BLOC1S6: variants seen among roughly 807,000 people sequenced by gnomAD.
BLOC1S6 encodes biogenesis of lysosome-related organelles complex 1 subunit 6.
A neutral mutation model predicts 24.7 loss-of-function variants in BLOC1S6; 24 were observed. That is an observed-to-expected ratio of 0.97 (90% confidence interval 0.70 to 1.37). The LOEUF is 1.37. Among genes scored for constraint, BLOC1S6 ranks in the 40% most tolerant of loss-of-function variants. The pLI, the probability that BLOC1S6 is intolerant of heterozygous loss-of-function variation, is 0.00. For missense variants in BLOC1S6, 175 were observed against 196.2 expected (o/e 0.89, Z 0.64); for synonymous variants, 76 against 72.6 (o/e 1.05, Z -0.23).
intron 2 of BLOC1S6, chr15:45,601,251 G>A (rs1228064066): frequency 1.3e-5 from 2 of 154,340 alleles, no homozygotes; most frequent in South Asian, 2.0e-4. Context: ...GCAGTTGACT[G>A]TACGTGCCTA....
chr15:45,606,273 C>T, intron 4 of BLOC1S6, 122 bp from the exon 5 acceptor site: 1 of 1,373,688 alleles, frequency 7.3e-7, no homozygotes, highest in Non-Finnish European at 1.0e-6. Flanking sequence ...ATTTAAATGT[C>T]CAAGATGAAG....
At position 45,609,352 on chromosome 15, in the gene BLOC1S6, C is replaced by CAAT. The variant is rs1566907276; in HGVS notation, c.*2838_*2839insAAT. On this transcript the variant is annotated 3_prime_UTR_variant, in exon 5 of 5. Coordinates refer to ENST00000220531, the MANE Select transcript of BLOC1S6 (RefSeq NM_012388.4). The stretch of plus-strand genomic sequence containing the variant: ...ACAAAACAAACAAACAAACAAACAA[C>CAAT]GTATCTTACTGACTAAACTGGAATG... 2.0e-5 allele frequency: 3 copies of CAAT among 148,506 alleles called. No individual in the cohort carries two copies. The highest frequency in any genetic ancestry group is 7.9e-5 in the African/African-American group (3 of 37,990). 9.2% of individuals were successfully genotyped at this position (148,506 alleles called of 1,614,324 possible).
intron 4 of BLOC1S6, chr15:45,605,869 C>T (rs770154447): frequency 2.4e-5 from 7 of 285,992 alleles, no homozygotes; most frequent in African/African-American, 8.9e-5. Context: ...AGATTACAGG[C>T]GTGAGCCACT....
rs1219227566 is a variant in BLOC1S6, at chr15:45,608,653, C to T, written c.*2139C>T. 1 of 152,144 alleles carries T rather than the reference C, an allele frequency of 6.6e-6. No individual in the cohort carries two copies. 9.4% of individuals were successfully genotyped at this position (152,144 alleles called of 1,614,324 possible). ...GGGTTTCCCACGCTAGGCTGCATAG[C>T]ATTATAACCTGGGAACGTTAAAAAA... On this transcript the variant is annotated 3_prime_UTR_variant, in exon 5 of 5. Transcript: ENST00000220531.
chr15:45,590,462 T>C (rs1893845605), intron 1 of BLOC1S6, among the ~76,000 whole-genome samples: 1 of 150,522 alleles, frequency 6.6e-6, no homozygotes, highest in Non-Finnish European at 1.5e-5. Flanking sequence ...GGCTGGAGTG[T>C]AGTGGCACAA....
At position 45,587,537 on chromosome 15, in the gene BLOC1S6, C is replaced by G. The variant is rs763484836; in HGVS notation, c.82+12C>G. On this transcript the variant is annotated intron_variant, in intron 1 of 4. Coordinates refer to ENST00000220531, the MANE Select transcript of BLOC1S6 (RefSeq NM_012388.4). ...GGAGCCGACGCCTGGTACGTACTAT[C>G]GGGTGGGAAGCGCGGCCCGGGCTGG... 2.0e-5 allele frequency: 31 copies of G among 1,565,226 alleles called. 1 individual carries two copies. The South Asian group carries it at 3.4e-4, about 17-fold the overall frequency.
Position 45,597,384 on chromosome 15 carries a change from C to T in BLOC1S6, c.224+5108C>T, listed in dbSNP as rs576540405. On this transcript the variant is annotated intron_variant, in intron 2 of 4. Transcript: ENST00000220531. The stretch of plus-strand genomic sequence containing the variant: ...GTCATAGCTACTTGGGAGGCTGAGG[C>T]AGGGGATCCCTTGAACCAGGAGTTC... 3.3e-5 allele frequency among the ~76,000 whole-genome samples: 5 copies of T among 152,088 alleles called. No homozygotes were observed. In the East Asian group the frequency reaches 9.6e-4, roughly 29 times the overall value.
chr15:45,592,079 G>A, intron 1 of BLOC1S6, 56 bp from the exon 2 acceptor site: 1 of 1,589,708 alleles, frequency 6.3e-7, no homozygotes. Flanking sequence ...CAGTTGACCA[G>A]CCTAAAAAAA....
intron 2 of BLOC1S6, among the ~76,000 whole-genome samples, chr15:45,596,619 A>G (rs1894087550): frequency 6.6e-6 from 1 of 151,758 alleles, no homozygotes; most frequent in Non-Finnish European, 1.5e-5. Context: ...TCCATTGATC[A>G]GTATGTCTGT....
intron 4 of BLOC1S6, chr15:45,605,789 C>A: frequency 2.8e-6 from 1 of 362,580 alleles, no homozygotes. Flanking sequence ...AGCGTTCTAC[C>A]ATGTTGGCCA....
chr15:45,602,299 T>A (rs995751358), intron 2 of BLOC1S6: 90 of 635,858 alleles, frequency 1.4e-4, no homozygotes, highest in African/African-American at 2.4e-4. Flanking sequence ...TTTTTTTTTT[T>A]ATCATTATTC....
chr15:45,603,110 G>C lies in BLOC1S6; in HGVS notation c.235G>C (p.Val79Leu). The stretch of plus-strand genomic sequence containing the variant: ...GTGTTTTTGTTTCAGACAGAACCAA[G>C]TTGTATTGTTAGACACACTGGAACA... ...QALQELTQNQ[V>L]VLLDTLEQEI... The change falls in exon 3 of 5, where the codon GTT (valine) becomes CTT (leucine). Residue 79 changes from valine (V) to leucine (L), a missense_variant. Val to Leu is a conservative substitution (Grantham distance 32). Transcript: ENST00000220531. 1 of 1,610,358 alleles carries C rather than the reference G, an allele frequency of 6.2e-7. No homozygotes were observed. Among genetic ancestry groups the C allele is most frequent in the Non-Finnish European group, 8.5e-7 (1 of 1,177,076 alleles).
chr15:45,589,031 C>T (rs1400716335), intron 1 of BLOC1S6, among the ~76,000 whole-genome samples: 1 of 152,162 alleles, frequency 6.6e-6, no homozygotes, highest in Non-Finnish European at 1.5e-5. Flanking sequence ...AGAATTTATC[C>T]TACAGAAAGT....
At chr15:45,597,297 T>C (rs762204265) in intron 2 of BLOC1S6, among the ~76,000 whole-genome samples, 4 of 152,066 alleles carry the variant, frequency 2.6e-5, no homozygotes, top group Non-Finnish European at 5.9e-5. Flanking sequence ...GGTAATGTAA[T>C]GAGACCCTGT....
rs1254574386 is a variant in BLOC1S6 at position 45,607,198 on chromosome 15, T to C, written c.*684T>C. 1 of 152,376 alleles carries C rather than the reference T, an allele frequency of 6.6e-6. No individual in the cohort carries two copies. Among genetic ancestry groups the C allele is most frequent in the African/African-American group, 2.4e-5 (1 of 41,430 alleles). The allele number at this position is 152,376 out of a possible 1,614,324, so 9.4% of individuals were successfully genotyped here. ...AAGAGGTGAGCCTTTGTGAAGAACA[T>C]AATGGAAAAGTGCATGTACGGGAAA... On this transcript the variant is annotated 3_prime_UTR_variant, in exon 5 of 5. Coordinates refer to ENST00000220531, the MANE Select transcript of BLOC1S6 (RefSeq NM_012388.4).
chr15:45,587,848 GAAA>G (rs1893740453), intron 1 of BLOC1S6: 2 of 681,230 alleles, frequency 2.9e-6, no homozygotes. Context: ...GGATTTACCA[GAAA>G]GATGATCAGC....
upstream of BLOC1S6, chr15:45,587,340 G>A (rs1304680672): frequency 8.8e-7 from 1 of 1,133,324 alleles, no homozygotes; most frequent in African/African-American, 1.5e-5. Flanking sequence ...ACTTCCGGGT[G>A]CGACAATCTC....
chr15:45,587,259 C>G, upstream of BLOC1S6: 1 of 650,042 alleles, frequency 1.5e-6, no homozygotes, highest in Non-Finnish European at 2.8e-6. Context: ...AGCGCGGGGT[C>G]CCCACAACGC....
intron 1 of BLOC1S6, 66 bp from the exon 2 acceptor site, chr15:45,592,069 C>A (rs572248453): frequency 6.4e-7 from 1 of 1,562,126 alleles, no homozygotes; most frequent in African/African-American, 1.4e-5. Flanking sequence ...CCCACTGCTT[C>A]AGTTGACCAG....
Sources: gnomAD v4.1 joint callset for allele counts (sites outside exome capture counted in the v4.1 genomes callset) on GRCh38, gnomAD v4.1.1 for gene constraint, MANE v1.5 for transcripts, NCBI Gene and HGNC (gene_info 2026-07-23, HGNC 2026-07-21) for gene names.